Variants in CFAP20DC observed in about 807,000 individuals in gnomAD.
CFAP20DC encodes the protein protein CFAP20DC.
CFAP20DC carries 84 observed loss-of-function variants against 101.7 expected under a neutral mutation model. The ratio of observed to expected loss-of-function variants is 0.83; its 90% CI spans 0.69 to 0.99. The LOEUF (loss-of-function observed/expected upper bound fraction) is 0.99. CFAP20DC is among the 50% of genes least tolerant of loss of function. The probability of loss-of-function intolerance (pLI) is 0.00; values close to 1 mark genes in which losing one functional copy is unlikely to be tolerated. For synonymous variants in CFAP20DC, 359 were observed against 351.2 expected (o/e 1.02, Z -0.25); for missense variants, 1,007 against 970.3 (o/e 1.04, Z -0.50).
At chr3:58,921,512 G>T (rs530741739) in intron 5 of CFAP20DC, among the ~76,000 whole-genome samples, 2 of 152,118 alleles carry the variant, frequency 1.3e-5, no homozygotes, top group South Asian at 2.1e-4. Flanking sequence ...TGACTTAGAA[G>T]TATGTTACTT....
intron 12 of CFAP20DC, among the ~76,000 whole-genome samples, chr3:58,852,133 C>T (rs114297776): frequency 0.017 from 2,587 of 152,200 alleles, 34 homozygotes; most frequent in Middle Eastern, 0.058. Flanking sequence ...AGCCATTGCT[C>T]TGATTGTGCT....
Position 58,788,223 on chromosome 3 carries a change from T to C in CFAP20DC, c.2237+18172A>G, listed in dbSNP as rs2072542794. ...CTCCAACTCACTGCATACAGACAGATTCTGAGCACGCAGTGAGAAAGGGAA... is the reference window on the plus strand; with the variant it reads ...CTCCAACTCACTGCATACAGACAGACTCTGAGCACGCAGTGAGAAAGGGAA... On this transcript the variant is annotated intron_variant, in intron 15 of 16. Coordinates refer to ENST00000482387, the MANE Select transcript of CFAP20DC (RefSeq NM_001394063.1). The surrounding 1 kb of genome is among the most constrained non-coding windows in gnomAD (Gnocchi z 4.2). Among the ~76,000 whole-genome samples, 1 of 151,740 alleles carries C rather than the reference T, an allele frequency of 6.6e-6. No homozygotes were observed. The highest frequency in any genetic ancestry group is 2.1e-4 in the South Asian group (1 of 4,816).
chr3:58,966,189 C>G (rs1037466953), intron 4 of CFAP20DC, among the ~76,000 whole-genome samples: 6 of 152,176 alleles, frequency 3.9e-5, no homozygotes, highest in African/African-American at 1.2e-4. Context: ...GCATCCCTTA[C>G]AGCTTTCTCC....
intron 14 of CFAP20DC, among the ~76,000 whole-genome samples, chr3:58,812,760 C>G (rs559656978): frequency 4.6e-5 from 7 of 151,368 alleles, no homozygotes; most frequent in Non-Finnish European, 8.8e-5. Context: ...TTTTACAGAT[C>G]CAGCAAATAG....
chr3:58,795,718 A>G lies in CFAP20DC; in HGVS notation c.2237+10677T>C, dbSNP rs2073192870. On this transcript the variant is annotated intron_variant, in intron 15 of 16. Coordinates refer to ENST00000482387, the MANE Select transcript of CFAP20DC (RefSeq NM_001394063.1). The surrounding 1 kb of genome is among the most constrained non-coding windows in gnomAD (Gnocchi z 4.2). ...CAGACACAGAAGCCTTTGGGAGGTG[A>G]GGGGAGAAGATGTGATCTATTGTTC... Among the ~76,000 whole-genome samples the G allele has an allele frequency of 6.6e-6, 1 of 152,192 alleles. No homozygotes were observed. Among genetic ancestry groups the G allele is most frequent in the South Asian group, 2.1e-4 (1 of 4,822 alleles).
intron 15 of CFAP20DC, among the ~76,000 whole-genome samples, chr3:58,767,483 T>G (rs1388122793): frequency 6.6e-6 from 1 of 152,242 alleles, no homozygotes; most frequent in East Asian, 1.9e-4. Flanking sequence ...CATTTCTTCA[T>G]AGAATTCATC....
chr3:58,981,966 A>C (rs2092568013), intron 4 of CFAP20DC, among the ~76,000 whole-genome samples: 1 of 152,210 alleles, frequency 6.6e-6, no homozygotes, highest in Admixed American at 6.5e-5. Context: ...CATCTGACAA[A>C]GGGCTAATAT....
intron 5 of CFAP20DC, among the ~76,000 whole-genome samples, chr3:58,922,994 T>TTA (rs2085554607): frequency 6.6e-6 from 1 of 152,040 alleles, no homozygotes; most frequent in South Asian, 2.1e-4. Flanking sequence ...TGTTATAAAA[T>TTA]TATATATATA....
intron 4 of CFAP20DC, among the ~76,000 whole-genome samples, chr3:58,941,028 T>G (rs1252788135): frequency 6.6e-6 from 1 of 152,158 alleles, no homozygotes; most frequent in Non-Finnish European, 1.5e-5. Context: ...TGAAAATGAA[T>G]TTCAAAATTT....
In CFAP20DC at chr3:59,015,067, G is replaced by A. The variant is rs117543720; in HGVS notation, c.278+24490C>T. ...TCATTTCTGAGGTTAGGATGTGGATGGAGTAGTGACAATGAAGGGACTAAG... is the reference window on the plus strand; with the variant it reads ...TCATTTCTGAGGTTAGGATGTGGATAGAGTAGTGACAATGAAGGGACTAAG... On this transcript the variant is annotated intron_variant, in intron 4 of 16. Transcript: ENST00000482387. The surrounding 1 kb of genome is among the most constrained non-coding windows in gnomAD (Gnocchi z 5.4). Among the ~76,000 whole-genome samples the A allele has an allele frequency of 7.2e-4, 109 of 152,250 alleles. No individual in the cohort carries two copies. The East Asian group carries it at 0.012, about 17-fold the overall frequency.
chr3:58,883,019 A>C lies in CFAP20DC; in HGVS notation c.715+1526T>G, dbSNP rs140952971. 2.0e-3 allele frequency among the ~76,000 whole-genome samples: 306 copies of C among 152,380 alleles called. 1 individual carries two copies. Among genetic ancestry groups the C allele is most frequent in the African/African-American group, 7.0e-3 (292 of 41,592 alleles). On this transcript the variant is annotated intron_variant, in intron 7 of 16. Coordinates refer to ENST00000482387, the MANE Select transcript of CFAP20DC (RefSeq NM_001394063.1). ...ATTTAGGACATGCAATATGATGAAG[A>C]TTGACATATAGAAAATATCCCAAGA...
intron 4 of CFAP20DC, among the ~76,000 whole-genome samples, chr3:58,968,472 G>A (rs751095021): frequency 6.6e-6 from 1 of 152,062 alleles, no homozygotes; most frequent in Non-Finnish European, 1.5e-5. Context: ...TTGATATTGA[G>A]CTTTTTTTCA....
intron 4 of CFAP20DC, among the ~76,000 whole-genome samples, chr3:58,996,371 C>T (rs1336971672): frequency 1.3e-5 from 2 of 152,194 alleles, no homozygotes; most frequent in African/African-American, 4.8e-5. Context: ...CCTTTATCTA[C>T]TCTTCCTACC....
intron 15 of CFAP20DC, among the ~76,000 whole-genome samples, chr3:58,771,563 A>C (rs902349994): frequency 6.6e-6 from 1 of 152,186 alleles, no homozygotes; most frequent in Non-Finnish European, 1.5e-5. Context: ...TTTGAGCTAA[A>C]GACCATTGGG....
chr3:58,849,483 TAATA>T (rs1278678612), intron 12 of CFAP20DC, 74 bp from the exon 13 acceptor site: 8 of 1,105,060 alleles, frequency 7.2e-6, no homozygotes, highest in Non-Finnish European at 1.0e-5. Context: ...TACAAGTTCT[TAATA>T]AATTCATATT....
intron 15 of CFAP20DC, among the ~76,000 whole-genome samples, chr3:58,791,860 G>A (rs1278534601): frequency 1.3e-5 from 2 of 152,188 alleles, no homozygotes. Flanking sequence ...CACCTACAAT[G>A]TAAATGTTCT....
chr3:58,743,060 T>G lies in CFAP20DC; in HGVS notation c.2333-488A>C, dbSNP rs868332268. Among the ~76,000 whole-genome samples the G allele has an allele frequency of 2.4e-4, 36 of 152,252 alleles. No individual in the cohort carries two copies. The Middle Eastern group carries it at 0.01, about 43-fold the overall frequency. On this transcript the variant is annotated intron_variant, in intron 16 of 16. Coordinates refer to ENST00000482387, the MANE Select transcript of CFAP20DC (RefSeq NM_001394063.1). Reference sequence around the variant, plus strand: ...AATATGAATTAAAATAATAGAACTATAAGATACATAGAACAGACAACATAC... The same window carrying G: ...AATATGAATTAAAATAATAGAACTAGAAGATACATAGAACAGACAACATAC...
In CFAP20DC at chr3:58,864,397, T is replaced by C. The variant is rs574630689; in HGVS notation, c.1259-505A>G. Among the ~76,000 whole-genome samples, 14 of 152,338 alleles carry C rather than the reference T, an allele frequency of 9.2e-5. No individual in the cohort carries two copies. The highest frequency in any genetic ancestry group is 2.1e-4 in the South Asian group (1 of 4,824). ...CACTCAACCCATACATCAGTGCCTA[T>C]AGCTATGGGCAACTCATTTGCACTT... On this transcript the variant is annotated intron_variant, in intron 11 of 16. Transcript: ENST00000482387. This position sits in a 1 kb window ranked among gnomAD's most constrained non-coding sequence, Gnocchi z 4.7.
At chr3:58,992,576 A>T in intron 4 of CFAP20DC, 7 of 984,794 alleles carry the variant, frequency 7.1e-6, no homozygotes, top group Non-Finnish European at 8.4e-6. Context: ...GAAGATCTTC[A>T]TATCTCTTGG....
Sources: allele counts gnomAD v4.1 joint callset (sites outside exome capture counted in the v4.1 genomes callset), GRCh38; gene constraint gnomAD v4.1.1; non-coding constraint Gnocchi (gnomAD v3.1); transcripts MANE v1.5; gene names NCBI Gene and HGNC (gene_info 2026-07-23, HGNC 2026-07-21).